ZCCHC14: variants seen among roughly 807,000 people sequenced by gnomAD.
ZCCHC14 encodes zinc finger CCHC-type containing 14, also known as zinc finger CCHC domain-containing protein 14.
A neutral mutation model predicts 85.0 loss-of-function variants in ZCCHC14; 16 were observed. The observed-to-expected ratio is 0.19, with a 90% CI of 0.13 to 0.29. The LOEUF is 0.29. Ranked by LOEUF, ZCCHC14 falls within the 10% of genes least tolerant of loss-of-function variation. ZCCHC14 has a pLI of 1.00. For synonymous variants in ZCCHC14, 775 were observed against 630.7 expected (o/e 1.23, Z -3.43); for missense variants, 1,303 against 1,443.5 (o/e 0.90, Z 1.58).
intron 3 of ZCCHC14, among the ~76,000 whole-genome samples, chr16:87,430,228 A>T (rs546539150): frequency 2.6e-5 from 4 of 152,278 alleles, no homozygotes; most frequent in Non-Finnish European, 5.9e-5. Context: ...GTGTAAGGGC[A>T]GCGGCGGGAG....
At position 87,491,782 on chromosome 16, in the gene ZCCHC14, G is replaced by A. The variant is rs1473792051; in HGVS notation, c.457C>T (p.Leu153=). The stretch of plus-strand genomic sequence containing the variant: ...TGGATCTGCGTGAGCTCCTGGCGCA[G>A]CACCTGCTTCTGGTGGAAGCTGAAG... The part of the protein sequence containing the change: ...PAFSFHQKQV[L]RQELTQIQSS... Residue 153 remains leucine (L), a synonymous_variant, in exon 1 of 13, where the codon CTG becomes TTG. Coordinates refer to ENST00000671377, the MANE Select transcript of ZCCHC14 (RefSeq NM_015144.3). The surrounding 1 kb of genome is among the most constrained non-coding windows in gnomAD (Gnocchi z 5.9). 2 of 1,589,454 alleles carry A rather than the reference G, an allele frequency of 1.3e-6. No individual in the cohort carries two copies. The highest frequency in any genetic ancestry group is 1.7e-6 in the Non-Finnish European group (2 of 1,171,302).
At chr16:87,489,528 C>A (rs989215327) in intron 1 of ZCCHC14, among the ~76,000 whole-genome samples, 1 of 152,226 alleles carries the variant, frequency 6.6e-6, no homozygotes, top group African/African-American at 2.4e-5. Flanking sequence ...CTGCTGGAAG[C>A]TCATGTATGT....
At chr16:87,410,582 C>A (rs555651189) in intron 12 of ZCCHC14, among the ~76,000 whole-genome samples, 2 of 152,358 alleles carry the variant, frequency 1.3e-5, no homozygotes, top group South Asian at 4.1e-4. Context: ...TGGGAGCTTC[C>A]TCTGGGAGTC....
chr16:87,486,524 G>T (rs1185744422), intron 1 of ZCCHC14, among the ~76,000 whole-genome samples: 1 of 152,162 alleles, frequency 6.6e-6, no homozygotes, highest in Admixed American at 6.5e-5. Context: ...CACACAACAA[G>T]ATCAGCTGAG....
chr16:87,463,916 C>T (rs972619480), intron 1 of ZCCHC14, among the ~76,000 whole-genome samples: 1 of 152,196 alleles, frequency 6.6e-6, no homozygotes, highest in African/African-American at 2.4e-5. Flanking sequence ...ACCTCCTGGG[C>T]TCAAGTGATC....
intron 1 of ZCCHC14, among the ~76,000 whole-genome samples, chr16:87,480,159 T>C (rs902400649): frequency 1.3e-5 from 2 of 151,966 alleles, no homozygotes; most frequent in African/African-American, 4.8e-5. Context: ...ATCCCAGCGC[T>C]TTGGGAGGCT....
intron 1 of ZCCHC14, among the ~76,000 whole-genome samples, chr16:87,486,729 TAAC>T (rs1457632625): frequency 2.6e-5 from 4 of 152,198 alleles, no homozygotes; most frequent in African/African-American, 7.2e-5. Flanking sequence ...TCCTGTAATG[TAAC>T]AACAACAACA....
chr16:87,449,237 T>C (rs1371027474), intron 2 of ZCCHC14, among the ~76,000 whole-genome samples: 1 of 152,220 alleles, frequency 6.6e-6, no homozygotes, highest in East Asian at 1.9e-4. Context: ...AAACCTGTTG[T>C]GGTCTGTCTT....
chr16:87,419,288 C>T (rs1454631499), intron 6 of ZCCHC14, among the ~76,000 whole-genome samples: 1 of 150,492 alleles, frequency 6.6e-6, no homozygotes, highest in African/African-American at 2.4e-5. Flanking sequence ...GCCACCACGC[C>T]CGGCTAATTT....
At chr16:87,488,511 TAAA>T (rs1912613061) in intron 1 of ZCCHC14, among the ~76,000 whole-genome samples, 1 of 152,200 alleles carries the variant, frequency 6.6e-6, no homozygotes, top group African/African-American at 2.4e-5. Flanking sequence ...AATTTTTAAA[TAAA>T]AACACAGGAT....
intron 2 of ZCCHC14, among the ~76,000 whole-genome samples, chr16:87,453,961 G>C (rs1171893963): frequency 6.6e-6 from 1 of 152,064 alleles, no homozygotes; most frequent in South Asian, 2.1e-4. Context: ...CAGAAAAAGA[G>C]AAATTATAAA....
intron 1 of ZCCHC14, chr16:87,471,244 T>C (rs1911759531): frequency 6.6e-6 from 1 of 152,184 alleles, no homozygotes; most frequent in South Asian, 2.1e-4. Context: ...AAAAACAAAA[T>C]AGATTTGTAA....
chr16:87,485,387 A>C (rs189729592), intron 1 of ZCCHC14, among the ~76,000 whole-genome samples: 3 of 152,168 alleles, frequency 2.0e-5, no homozygotes, highest in Admixed American at 2.0e-4. Context: ...TGTTTCTACA[A>C]TGTGTCAGGT....
rs117086985 is a variant in ZCCHC14, at chr16:87,409,401, T to G, written c.*879A>C. ...CACTCACAGAGCCGCGCTGTCGCCG[T>G]CCCCCCTCGAGAGGTCATTTGTAGT... is the stretch of plus-strand genomic sequence containing the variant. On this transcript the variant is annotated 3_prime_UTR_variant, in exon 13 of 13. Coordinates refer to ENST00000671377, the MANE Select transcript of ZCCHC14 (RefSeq NM_015144.3). The G allele has an allele frequency of 6.6e-6, 1 of 151,566 alleles. No homozygotes were observed. 9.4% of individuals were successfully genotyped at this position (151,566 alleles called of 1,614,324 possible).
At chr16:87,457,910 G>C (rs1354568856) in intron 2 of ZCCHC14, among the ~76,000 whole-genome samples, 1 of 152,130 alleles carries the variant, frequency 6.6e-6, no homozygotes, top group Non-Finnish European at 1.5e-5. Flanking sequence ...GTAATTAAGA[G>C]CGTCTGCTCG....
At position 87,408,436 on chromosome 16, in the gene ZCCHC14, A is replaced by C. The variant is rs541724171; in HGVS notation, c.*1844T>G. The C allele has an allele frequency of 6.5e-6, 1 of 152,726 alleles. No homozygotes were observed. Among genetic ancestry groups the C allele is most frequent in the South Asian group, 2.1e-4 (1 of 4,830 alleles). 9.5% of individuals were successfully genotyped at this position (152,726 alleles called of 1,614,324 possible). A position where few individuals can be genotyped will look rare whatever the true frequency, so the allele number is the denominator to read the frequency against. On this transcript the variant is annotated 3_prime_UTR_variant, in exon 13 of 13. Transcript: ENST00000671377. ...AGTCTTCCTTAAACGTAATATGAGA[A>C]GGTCCAGTCTAGTACTCTTTAAGGC...
intron 2 of ZCCHC14, among the ~76,000 whole-genome samples, chr16:87,439,137 C>CTTTTTTTTTTTTT (rs551734590): frequency 6.9e-6 from 1 of 145,720 alleles, no homozygotes. Context: ...CATACAAGTT[C>CTTTTTTTTTTTTT]TTTTTTTTTT....
intron 1 of ZCCHC14, among the ~76,000 whole-genome samples, chr16:87,483,810 C>T (rs866336759): frequency 2.0e-5 from 3 of 152,224 alleles, no homozygotes; most frequent in Middle Eastern, 3.2e-3. Flanking sequence ...AACTCCACTT[C>T]CAGATTTCTA....
At chr16:87,425,137 T>C (rs1909302478) in intron 3 of ZCCHC14, among the ~76,000 whole-genome samples, 1 of 151,980 alleles carries the variant, frequency 6.6e-6, no homozygotes, top group Non-Finnish European at 1.5e-5. Context: ...GCCCTCATAA[T>C]ACACAGGCCA....
Sources: gnomAD v4.1 joint callset for allele counts (sites outside exome capture counted in the v4.1 genomes callset) on GRCh38, gnomAD v4.1.1 for gene constraint, Gnocchi (gnomAD v3.1) non-coding constraint, MANE v1.5 for transcripts, NCBI Gene and HGNC (gene_info 2026-07-23, HGNC 2026-07-21) for gene names.